Variants in TMCO5A observed in about 807,000 individuals in gnomAD.
The protein encoded by TMCO5A is transmembrane and coiled-coil domains 5A.
In TMCO5A, 34 loss-of-function variants were observed where a neutral mutation model predicts 42.3. The ratio of observed to expected loss-of-function variants is 0.80; its 90% CI spans 0.61 to 1.07. TMCO5A has a LOEUF of 1.07. TMCO5A is among the 50% of genes least tolerant of loss of function. TMCO5A has a pLI of 0.00. For missense variants in TMCO5A, 357 were observed against 327.9 expected (o/e 1.09, Z -0.69); for synonymous variants, 131 against 115.6 (o/e 1.13, Z -0.86).
At chr15:38,008,097 A>G in the TMCO5A span, among the ~76,000 whole-genome samples, 4,027 of 151,518 alleles carry the variant, frequency 0.027, 146 homozygotes, top group African/African-American at 0.076. Context: ...GGGTTTCACC[A>G]TGTTAGCCGG....
At chr15:38,001,435 TG>T in the TMCO5A span, among the ~76,000 whole-genome samples, 6 of 140,428 alleles carry the variant, frequency 4.3e-5, no homozygotes, top group East Asian at 1.2e-3. Flanking sequence ...CATTGGATCT[TG>T]TTTTTTTTTT....
rs531729632 is a variant in TMCO5A, at chr15:37,962,639, T to C, written c.669-3986T>C. On this transcript the variant is annotated intron_variant, in intron 11 of 11. Coordinates refer to the TMCO5A transcript ENST00000559502. ...TACCAATTCTTCTTTGAATGTCTTG[T>C]AGAATTCTTCTGTGAATCCATCTGG... 1.2e-4 allele frequency among the ~76,000 whole-genome samples: 19 copies of C among 152,254 alleles called. No homozygotes were observed. In the South Asian group the frequency reaches 3.5e-3, roughly 28 times the overall value.
chr15:37,968,789 G>A (rs908355008), downstream of TMCO5A, among the ~76,000 whole-genome samples: 3 of 151,850 alleles, frequency 2.0e-5, no homozygotes, highest in African/African-American at 7.2e-5. Context: ...CACCACATTG[G>A]CCAGGCTGGT....
chr15:38,008,513 G>A, the TMCO5A span, among the ~76,000 whole-genome samples: 1 of 152,138 alleles, frequency 6.6e-6, no homozygotes, highest in Admixed American at 6.5e-5. Flanking sequence ...TCCTTGGGGA[G>A]ATACTGCAAT....
At chr15:37,935,054 C>T (rs975418838) in intron 1 of TMCO5A, among the ~76,000 whole-genome samples, 9 of 152,070 alleles carry the variant, frequency 5.9e-5, no homozygotes, top group African/African-American at 1.7e-4. Context: ...TGTATCCTGA[C>T]TGTATCTTTA....
downstream of TMCO5A, among the ~76,000 whole-genome samples, chr15:37,951,893 C>T (rs979858529): frequency 3.3e-5 from 5 of 152,078 alleles, no homozygotes; most frequent in Non-Finnish European, 5.9e-5. Flanking sequence ...AACACCCCCC[C>T]TTTCCCATCC....
chr15:38,025,288 G>C, the TMCO5A span, among the ~76,000 whole-genome samples: 1 of 151,680 alleles, frequency 6.6e-6, no homozygotes, highest in Non-Finnish European at 1.5e-5. Context: ...CCCCTTTCAT[G>C]GTCTTTTGGC....
At chr15:38,014,312 A>G in the TMCO5A span, among the ~76,000 whole-genome samples, 2 of 152,276 alleles carry the variant, frequency 1.3e-5, no homozygotes, top group South Asian at 4.2e-4. Context: ...GTCATTTAAA[A>G]GAATTTCAAA....
At chr15:37,991,888 C>A in the TMCO5A span, among the ~76,000 whole-genome samples, 1 of 151,900 alleles carries the variant, frequency 6.6e-6, no homozygotes, top group Admixed American at 6.6e-5. Flanking sequence ...ATGTAAAACC[C>A]AAATATATAA....
downstream of TMCO5A, among the ~76,000 whole-genome samples, chr15:37,969,299 G>C (rs908469463): frequency 2.0e-5 from 3 of 152,100 alleles, no homozygotes; most frequent in Non-Finnish European, 4.4e-5. Context: ...CCAAATACAA[G>C]TATCCCCAAA....
In TMCO5A at chr15:37,943,263, T is replaced by C. The variant is rs118069984; in HGVS notation, c.570-78T>C. The C allele has an allele frequency of 8.3e-3, 11,584 of 1,399,012 alleles. 61 individuals carry two copies. Among genetic ancestry groups the C allele is most frequent in the Non-Finnish European group, 0.011 (10,727 of 1,005,088 alleles). The allele number at this position is 1,399,012 out of a possible 1,614,324, so 86.7% of individuals were successfully genotyped here. A position where few individuals can be genotyped will look rare whatever the true frequency, so the allele number is the denominator to read the frequency against. ...CAGTACAGATTTAGAATATAAAGCT[T>C]TTTTAAAATAACCATAGTGTAGTAT... On this transcript the variant is annotated intron_variant, in intron 9 of 11. Transcript: ENST00000319669.
chr15:38,035,518 G>A, the TMCO5A span, among the ~76,000 whole-genome samples: 10 of 152,290 alleles, frequency 6.6e-5, no homozygotes, highest in African/African-American at 2.2e-4. Context: ...TGATTCTAGG[G>A]AGCAGAACTG....
downstream of TMCO5A, among the ~76,000 whole-genome samples, chr15:37,972,266 A>G (rs112150016): frequency 0.024 from 3,640 of 152,214 alleles, 148 homozygotes; most frequent in African/African-American, 0.083. Context: ...AGACTTATTC[A>G]CTATCATGAG....
downstream of TMCO5A, among the ~76,000 whole-genome samples, chr15:37,969,541 T>A (rs1890633508): frequency 6.6e-6 from 1 of 152,244 alleles, no homozygotes; most frequent in East Asian, 1.9e-4. Context: ...TTCTGCTTTT[T>A]GTGTATAACT....
At chr15:37,974,516 A>G in the TMCO5A span, among the ~76,000 whole-genome samples, 2 of 152,048 alleles carry the variant, frequency 1.3e-5, no homozygotes, top group Non-Finnish European at 2.9e-5. Flanking sequence ...TTATCCATTT[A>G]TTCTAGGTTT....
chr15:37,984,187 G>A, the TMCO5A span, among the ~76,000 whole-genome samples: 3 of 152,034 alleles, frequency 2.0e-5, no homozygotes, highest in African/African-American at 7.3e-5. Flanking sequence ...TGAAATACAT[G>A]AAGCTTTTTT....
chr15:38,037,973 A>G, the TMCO5A span, among the ~76,000 whole-genome samples: 5 of 151,902 alleles, frequency 3.3e-5, no homozygotes, highest in Admixed American at 6.6e-5. Context: ...AGATCACGCC[A>G]TCACACTCCA....
chr15:37,937,958 G>C (rs1423778367), intron 5 of TMCO5A, among the ~76,000 whole-genome samples, 200 bp from the exon 6 acceptor site: 2 of 151,984 alleles, frequency 1.3e-5, no homozygotes, highest in African/African-American at 4.8e-5. Flanking sequence ...GCTTTGAGTG[G>C]ACTCTAGCAT....
At chr15:38,029,544 T>G in the TMCO5A span, among the ~76,000 whole-genome samples, 1 of 150,636 alleles carries the variant, frequency 6.6e-6, no homozygotes, top group Non-Finnish European at 1.5e-5. Flanking sequence ...CACTGCAACC[T>G]CAACCTCTGG....
Sources: gnomAD v4.1 joint callset for allele counts (sites outside exome capture counted in the v4.1 genomes callset) on GRCh38, gnomAD v4.1.1 for gene constraint, MANE v1.5 for transcripts, NCBI Gene and HGNC (gene_info 2026-07-23, HGNC 2026-07-21) for gene names.